CNGB3: variants seen among roughly 807,000 people sequenced by gnomAD.
CNGB3 encodes cyclic nucleotide gated channel subunit beta 3, also known as cyclic nucleotide-gated channel beta-3.
A neutral mutation model predicts 92.8 loss-of-function variants in CNGB3; 86 were observed. The observed-to-expected ratio is 0.93, with a 90% CI of 0.78 to 1.11. CNGB3 has a LOEUF of 1.11. Among genes scored for constraint, CNGB3 ranks in the 50% least tolerant of loss-of-function variants. The probability of loss-of-function intolerance (pLI) is 0.00; values close to 1 mark genes in which losing one functional copy is unlikely to be tolerated. For missense variants in CNGB3, 1,026 were observed against 956.8 expected (o/e 1.07, Z -0.95); for synonymous variants, 333 against 332.7 (o/e 1.00, Z -0.01).
chr8:86,583,334 C>T (rs1269661889), intron 15 of CNGB3, among the ~76,000 whole-genome samples: 1 of 152,164 alleles, frequency 6.6e-6, no homozygotes, highest in African/African-American at 2.4e-5. Context: ...GAATTGGAAA[C>T]ATTCTGTTGT....
chr8:86,630,904 C>T (rs1233594043), intron 11 of CNGB3, among the ~76,000 whole-genome samples: 1 of 152,048 alleles, frequency 6.6e-6, no homozygotes, highest in African/African-American at 2.4e-5. Flanking sequence ...TTAGTTCCAT[C>T]GTATAGTCTC....
intron 3 of CNGB3, among the ~76,000 whole-genome samples, chr8:86,674,748 A>C (rs1005322356): frequency 1.3e-5 from 2 of 152,074 alleles, no homozygotes; most frequent in Admixed American, 6.6e-5. Flanking sequence ...ATATCTTACA[A>C]TTTAACTTTT....
At chr8:86,613,449 A>T (rs1822557506) in intron 13 of CNGB3, among the ~76,000 whole-genome samples, 1 of 152,158 alleles carries the variant, frequency 6.6e-6, no homozygotes, top group African/African-American at 2.4e-5. Flanking sequence ...AGGCAAATAG[A>T]CTTTGGATTG....
chr8:86,704,078 G>A (rs1256713310), intron 3 of CNGB3: 1 of 152,120 alleles, frequency 6.6e-6, no homozygotes, highest in Non-Finnish European at 1.5e-5. Flanking sequence ...ACTACTAATA[G>A]CCTACTGTTG....
intron 13 of CNGB3, among the ~76,000 whole-genome samples, chr8:86,623,616 G>C (rs950581410): frequency 6.6e-6 from 1 of 152,090 alleles, no homozygotes; most frequent in South Asian, 2.1e-4. Flanking sequence ...TTCCCAAAAG[G>C]CCACATGTCT....
chr8:86,620,322 G>A (rs1822699856), intron 13 of CNGB3, among the ~76,000 whole-genome samples: 1 of 152,166 alleles, frequency 6.6e-6, no homozygotes, highest in African/African-American at 2.4e-5. Context: ...AGTTCTGGAG[G>A]CTAAAGGCTT....
chr8:86,604,167 G>T lies in CNGB3; in HGVS notation c.1707C>A (p.Val569=), dbSNP rs760534509. The T allele has an allele frequency of 6.2e-7, 1 of 1,613,602 alleles. No individual in the cohort carries two copies. Among genetic ancestry groups the T allele is most frequent in the Non-Finnish European group, 8.5e-7 (1 of 1,179,626 alleles). The change falls in exon 15 of 18, where the codon GTC becomes GTA. Residue 569 remains valine (V), a synonymous_variant. Transcript: ENST00000320005. The part of the protein sequence containing the change: ...KEMYIIKHGE[V]QVLGGPDGTK... ...TACCATCAGGGCCTCCAAGAACTTG[G>T]ACTTCTCCATGCTTGATGATATACA... is the stretch of plus-strand genomic sequence containing the variant.
chr8:86,734,524 C>T (rs552733121), intron 2 of CNGB3, among the ~76,000 whole-genome samples: 92 of 152,310 alleles, frequency 6.0e-4, no homozygotes, highest in Non-Finnish European at 1.1e-3. Flanking sequence ...ATGCAGACAA[C>T]ATTACATGTC....
intron 3 of CNGB3, 104 bp from the exon 4 acceptor site, chr8:86,671,202 T>G: frequency 7.7e-7 from 1 of 1,307,066 alleles, no homozygotes; most frequent in Middle Eastern, 2.5e-4. Flanking sequence ...GATTATTAAC[T>G]TCCCCTTTTT....
chr8:86,670,360 A>G (rs1823830609), intron 4 of CNGB3, among the ~76,000 whole-genome samples: 1 of 152,164 alleles, frequency 6.6e-6, no homozygotes, highest in Admixed American at 6.5e-5. Context: ...CTACACATAT[A>G]TCCTGAGCCT....
At chr8:86,654,334 A>G (rs557159788) in intron 6 of CNGB3, among the ~76,000 whole-genome samples, 2 of 152,190 alleles carry the variant, frequency 1.3e-5, no homozygotes, top group East Asian at 3.9e-4. Context: ...ACTCATGGCA[A>G]TTTGGTGGCA....
At chr8:86,576,564 C>T (rs1361515934) in intron 17 of CNGB3, among the ~76,000 whole-genome samples, 4 of 152,136 alleles carry the variant, frequency 2.6e-5, no homozygotes, top group African/African-American at 9.7e-5. Flanking sequence ...CTTGCCTAAG[C>T]TTGTGGGAGA....
intron 3 of CNGB3, among the ~76,000 whole-genome samples, chr8:86,696,322 G>C (rs887023367): frequency 1.3e-5 from 2 of 152,172 alleles, no homozygotes; most frequent in African/African-American, 4.8e-5. Context: ...TGCAGTAGTA[G>C]AAGGGGGATA....
intron 6 of CNGB3, among the ~76,000 whole-genome samples, chr8:86,663,248 A>T (rs1277321731): frequency 6.6e-6 from 1 of 152,160 alleles, no homozygotes; most frequent in Non-Finnish European, 1.5e-5. Context: ...GAATTTTGTG[A>T]TTGGTAGGTT....
intron 6 of CNGB3, among the ~76,000 whole-genome samples, chr8:86,654,675 A>C (rs1823469113): frequency 6.6e-6 from 1 of 152,188 alleles, no homozygotes; most frequent in African/African-American, 2.4e-5. Flanking sequence ...AAGCATTAAA[A>C]ATTTTTTGGA....
chr8:86,641,549 C>T lies in CNGB3; in HGVS notation c.1178+2202G>A, dbSNP rs573894055. On this transcript the variant is annotated intron_variant, in intron 10 of 17. Transcript: ENST00000320005. ...TATGTTGTGTCTTCTATTGTCCTGC[C>T]TTTCCTGTACTTCTCCCCAAAACTG... Among the ~76,000 whole-genome samples the T allele has an allele frequency of 8.6e-5, 13 of 151,946 alleles. No homozygotes were observed. The South Asian group carries it at 2.7e-3, about 32-fold the overall frequency.
chr8:86,691,173 T>A (rs1192400502), intron 3 of CNGB3, among the ~76,000 whole-genome samples: 1 of 152,200 alleles, frequency 6.6e-6, no homozygotes, highest in African/African-American at 2.4e-5. Context: ...CATTCTCAGC[T>A]TGGTTGGTGT....
intron 2 of CNGB3, among the ~76,000 whole-genome samples, chr8:86,727,503 A>G (rs1447979378): frequency 6.6e-6 from 1 of 152,168 alleles, no homozygotes; most frequent in Non-Finnish European, 1.5e-5. Flanking sequence ...AATATGTACT[A>G]GCTTTATTTT....
intron 3 of CNGB3, among the ~76,000 whole-genome samples, chr8:86,725,994 A>T (rs1825055161): frequency 6.6e-6 from 1 of 152,150 alleles, no homozygotes; most frequent in Admixed American, 6.5e-5. Flanking sequence ...TCTCTTTTGC[A>T]GTATTTCCAA....
Sources: allele counts gnomAD v4.1 joint callset (sites outside exome capture counted in the v4.1 genomes callset), GRCh38; gene constraint gnomAD v4.1.1; transcripts MANE v1.5; gene names NCBI Gene and HGNC (gene_info 2026-07-23, HGNC 2026-07-21).